The following DDX60L variants were observed in gnomAD, a reference collection of about 807,000 sequenced individuals.
DDX60L encodes probable ATP-dependent RNA helicase DDX60-like.
DDX60L carries 191 observed loss-of-function variants against 211.6 expected under a neutral mutation model. The ratio of observed to expected loss-of-function variants is 0.90; its 90% CI spans 0.80 to 1.02. The LOEUF is 1.02. Ranked by LOEUF, DDX60L falls within the 50% of genes least tolerant of loss-of-function variation. DDX60L has a pLI of 0.00. For synonymous variants in DDX60L, 706 were observed against 694.1 expected, an observed-to-expected ratio of 1.02 and a Z score of -0.27; for missense variants, 2,007 against 1,984.1, an observed-to-expected ratio of 1.01 and a Z score of -0.22.
At position 168,377,214 on chromosome 4, in the gene DDX60L, C is replaced by A. The variant is rs181049449; in HGVS notation, c.4485+1140G>T. Among the ~76,000 whole-genome samples, 37 of 152,066 alleles carry A rather than the reference C, an allele frequency of 2.4e-4. No individual in the cohort carries two copies. In the East Asian group the frequency reaches 5.8e-3, roughly 24 times the overall value. On this transcript the variant is annotated intron_variant, in intron 33 of 37. Coordinates refer to ENST00000682922, the MANE Select transcript of DDX60L (RefSeq NM_001012967.3). ...GGCTGAGGCAGGAGAATGGCTTGAA[C>A]CTGGGAGGTGGAAGTTGCAGTGAGC...
intron 26 of DDX60L, among the ~76,000 whole-genome samples, chr4:168,400,380 C>T (rs1031224267): frequency 6.6e-6 from 1 of 152,052 alleles, no homozygotes; most frequent in African/African-American, 2.4e-5. Flanking sequence ...GGGTAGACGC[C>T]CAGCAATGGG....
At chr4:168,359,501 A>T (rs1406794891) in intron 37 of DDX60L, among the ~76,000 whole-genome samples, 1 of 152,154 alleles carries the variant, frequency 6.6e-6, no homozygotes, top group Non-Finnish European at 1.5e-5. Flanking sequence ...TCCAATCCTT[A>T]TCATTCATTT....
At chr4:168,473,401 T>C (rs1242781795) in intron 1 of DDX60L, among the ~76,000 whole-genome samples, 3 of 152,146 alleles carry the variant, frequency 2.0e-5, no homozygotes, top group African/African-American at 7.2e-5. Context: ...AATAGTCCTG[T>C]AGAAAGATGA....
In DDX60L at chr4:168,410,141, T is replaced by C. The variant is rs183685805; in HGVS notation, c.2980-3435A>G. Among the ~76,000 whole-genome samples the C allele has an allele frequency of 7.2e-5, 11 of 152,066 alleles. No homozygotes were observed. The East Asian group carries it at 1.9e-3, about 27-fold the overall frequency. ...ATAATTTAATAAGAAAAAGAAGACA[T>C]GAAAGCAAAAAATTATAACAGCAGG... On this transcript the variant is annotated intron_variant, in intron 22 of 37. Coordinates refer to ENST00000682922, the MANE Select transcript of DDX60L (RefSeq NM_001012967.3).
intron 25 of DDX60L, 96 bp downstream of exon 25, chr4:168,403,886 T>TTCTAACCAC (rs1747273262): frequency 4.7e-6 from 3 of 639,140 alleles, no homozygotes; most frequent in Admixed American, 4.2e-5. Flanking sequence ...GTAGGGTTAC[T>TTCTAACCAC]TCTAACCACT....
chr4:168,419,381 G>C lies in DDX60L; in HGVS notation c.2531C>G (p.Pro844Arg), dbSNP rs201083346. 2.5e-6 allele frequency: 4 copies of C among 1,588,262 alleles called. No individual in the cohort carries two copies. The highest frequency in any genetic ancestry group is 3.4e-6 in the Non-Finnish European group (4 of 1,165,584). Residue 844 changes from proline to arginine, a missense_variant, in exon 19 of 38, where the codon CCG becomes CGG. Pro to Arg is a moderately radical substitution (Grantham distance 103, BLOSUM62 -2). Coordinates refer to ENST00000682922, the MANE Select transcript of DDX60L (RefSeq NM_001012967.3). ...AAGCAACAGGATTTCAAAACATTCC[G>C]GCACTGTAATAAGTACCTACAAATA... ...VLNCQVLITV[P>R]ECFEILLLAP... is the part of the protein sequence containing the mutation.
In DDX60L at chr4:168,458,701, G is replaced by A. The variant is rs903164324; in HGVS notation, c.607-693C>T. Among the ~76,000 whole-genome samples, 9 of 152,194 alleles carry A rather than the reference G, an allele frequency of 5.9e-5. No individual in the cohort carries two copies. In the Middle Eastern group the frequency reaches 0.02, roughly 345 times the overall value. ...CAGGATAAATAACTAATGCGTGCAG[G>A]GTTTAATACCTAGGTGATGGGTTGA... is the stretch of plus-strand genomic sequence containing the variant. On this transcript the variant is annotated intron_variant, in intron 5 of 37. Coordinates refer to ENST00000682922, the MANE Select transcript of DDX60L (RefSeq NM_001012967.3).
In DDX60L at chr4:168,475,622, A is replaced by G. The variant is rs1429975807; in HGVS notation, c.-110-2813T>C. 2.0e-5 allele frequency among the ~76,000 whole-genome samples: 3 copies of G among 151,578 alleles called. No individual in the cohort carries two copies. In the East Asian group the frequency reaches 5.9e-4, roughly 30 times the overall value. ...ACAAAGAGGGAAAAATGTTAGGAAA[A>G]GAGTAGGAATGCTATTATTATCATT... On this transcript the variant is annotated intron_variant, in intron 1 of 37. Transcript: ENST00000682922.
intron 7 of DDX60L, among the ~76,000 whole-genome samples, chr4:168,455,670 T>C (rs1262365663): frequency 2.6e-5 from 4 of 152,168 alleles, no homozygotes; most frequent in Non-Finnish European, 4.4e-5. Context: ...CAGCGTATAG[T>C]GGGGCCCCTC....
At chr4:168,392,761 A>T (rs1426137268) in intron 28 of DDX60L, among the ~76,000 whole-genome samples, 1 of 149,546 alleles carries the variant, frequency 6.7e-6, no homozygotes, top group Non-Finnish European at 1.5e-5. Context: ...AATTGCTTGA[A>T]CCCTGGAGAC....
chr4:168,378,727 T>C (rs1742403245), intron 32 of DDX60L, among the ~76,000 whole-genome samples: 1 of 152,166 alleles, frequency 6.6e-6, no homozygotes, highest in African/African-American at 2.4e-5. Context: ...CCCAGAATGT[T>C]TACTAACTGG....
At chr4:168,453,919 T>C (rs1307037689) in intron 7 of DDX60L, among the ~76,000 whole-genome samples, 2 of 152,150 alleles carry the variant, frequency 1.3e-5, no homozygotes, top group South Asian at 2.1e-4. Context: ...CATTTGAAAA[T>C]ATTTTTCCAA....
intron 34 of DDX60L, among the ~76,000 whole-genome samples, chr4:168,374,102 G>A (rs1199998068): frequency 6.6e-6 from 1 of 151,842 alleles, no homozygotes; most frequent in Non-Finnish European, 1.5e-5. Context: ...GCTCCTACCA[G>A]TGGATTTGGA....
Position 168,391,781 on chromosome 4 carries a change from C to T in DDX60L, c.3811-137G>A, listed in dbSNP as rs150885915. 5.1e-4 allele frequency: 255 copies of T among 500,878 alleles called. 2 individuals carry two copies. Among genetic ancestry groups the T allele is most frequent in the Middle Eastern group, 2.3e-3 (6 of 2,638 alleles). The allele number at this position is 500,878 out of a possible 1,614,324, so 31.0% of individuals were successfully genotyped here. On this transcript the variant is annotated intron_variant, in intron 28 of 37. Coordinates refer to ENST00000682922, the MANE Select transcript of DDX60L (RefSeq NM_001012967.3). ...ATGTCATTAAAACTAACATACTAACCCTACTGTTCTTGCAACTGCCTGATT... is the reference window on the plus strand; with the variant it reads ...ATGTCATTAAAACTAACATACTAACTCTACTGTTCTTGCAACTGCCTGATT...
At chr4:168,471,653 G>A (rs1300661532) in intron 4 of DDX60L, 94 bp downstream of exon 4, 10 of 976,294 alleles carry the variant, frequency 1.0e-5, no homozygotes, top group Non-Finnish European at 1.5e-5. Flanking sequence ...TTTCTATGAT[G>A]ACATGCTTCA....
intron 24 of DDX60L, among the ~76,000 whole-genome samples, chr4:168,405,060 G>A (rs577374303): frequency 4.0e-5 from 6 of 151,428 alleles, no homozygotes; most frequent in Non-Finnish European, 8.8e-5. Flanking sequence ...CCAGACTGGA[G>A]TACAGTGGCA....
intron 25 of DDX60L, among the ~76,000 whole-genome samples, chr4:168,402,258 G>C (rs1033275720): frequency 1.3e-5 from 2 of 151,612 alleles, no homozygotes; most frequent in Non-Finnish European, 2.9e-5. Context: ...CGTGTTCACA[G>C]TAATAGAAGT....
chr4:168,470,293 T>C (rs1268640922), intron 4 of DDX60L: 1 of 152,204 alleles, frequency 6.6e-6, no homozygotes, highest in Non-Finnish European at 1.5e-5. Flanking sequence ...CACAGATACA[T>C]GCACAAGGAA....
chr4:168,376,145 T>C (rs1425911389), intron 33 of DDX60L, among the ~76,000 whole-genome samples: 1 of 152,244 alleles, frequency 6.6e-6, no homozygotes, highest in Non-Finnish European at 1.5e-5. Context: ...GTTTCTTTAG[T>C]GTGAGTTAGA....
Sources: gnomAD v4.1 joint callset for allele counts (sites outside exome capture counted in the v4.1 genomes callset) on GRCh38, gnomAD v4.1.1 for gene constraint, MANE v1.5 for transcripts, NCBI Gene and HGNC (gene_info 2026-07-23, HGNC 2026-07-21) for gene names.